The following LRRC69 variants were observed in gnomAD, a reference collection of about 807,000 sequenced individuals.
LRRC69 encodes leucine rich repeat containing 69.
LRRC69 carries 42 observed loss-of-function variants against 37.8 expected under a neutral mutation model. That is an observed-to-expected ratio of 1.11 (90% CI 0.87 to 1.44). The LOEUF (loss-of-function observed/expected upper bound fraction) is 1.44. LRRC69 is among the 40% of genes most tolerant of loss of function. The pLI is 0.00. For synonymous variants in LRRC69, 141 were observed against 143.1 expected (o/e 0.99, Z 0.11); for missense variants, 357 against 401.9 (o/e 0.89, Z 0.96).
chr8:91,122,861 A>G (rs1813654072), intron 1 of LRRC69, among the ~76,000 whole-genome samples: 1 of 152,022 alleles, frequency 6.6e-6, no homozygotes, highest in African/African-American at 2.4e-5. Context: ...CAATCCTCTG[A>G]ATGTGTTAGG....
rs1356658862 is a variant in LRRC69, at chr8:91,197,548, C to T, written c.754-3065C>T. On this transcript the variant is annotated intron_variant, in intron 6 of 7. Coordinates refer to ENST00000448384, the Ensembl canonical transcript of LRRC69. ...AGGTGCGGGATATTATCTCGTGGTGCGCCGTTTTTTAAGCCCGTCGGAAAA... is the reference window on the plus strand; with the variant it reads ...AGGTGCGGGATATTATCTCGTGGTGTGCCGTTTTTTAAGCCCGTCGGAAAA... Among the ~76,000 whole-genome samples the T allele has an allele frequency of 9.2e-5, 14 of 152,074 alleles. No individual in the cohort carries two copies. In the South Asian group the frequency reaches 2.1e-3, roughly 23 times the overall value.
chr8:91,174,058 C>T (rs544471361), intron 5 of LRRC69, among the ~76,000 whole-genome samples: 4 of 19,242 alleles, frequency 2.1e-4, no homozygotes, highest in Admixed American at 5.1e-4. Context: ...TATTTTTCTA[C>T]AATGCCTTGA....
chr8:91,116,184 G>A (rs1283806039), intron 1 of LRRC69, among the ~76,000 whole-genome samples: 4 of 151,760 alleles, frequency 2.6e-5, no homozygotes, highest in Non-Finnish European at 5.9e-5. Context: ...ACCAGGTATG[G>A]CTAACATTTT....
chr8:91,165,767 T>G (rs1301216245), intron 5 of LRRC69, among the ~76,000 whole-genome samples: 12 of 151,792 alleles, frequency 7.9e-5, no homozygotes, highest in Non-Finnish European at 1.5e-5. Context: ...TCAGACAGAG[T>G]CTGGAATCAG....
chr8:91,144,141 G>A (rs1434473431), intron 5 of LRRC69, among the ~76,000 whole-genome samples: 1 of 151,898 alleles, frequency 6.6e-6, no homozygotes, highest in Non-Finnish European at 1.5e-5. Flanking sequence ...TCATTTTAAG[G>A]TTTGGTCTGA....
At chr8:91,108,644 C>T (rs746634657) in intron 1 of LRRC69, among the ~76,000 whole-genome samples, 13 of 152,144 alleles carry the variant, frequency 8.5e-5, no homozygotes, top group Middle Eastern at 3.4e-3. Flanking sequence ...CCGTGGCCCG[C>T]GGGCCACATG....
At chr8:91,124,760 G>C in intron 2 of LRRC69, 141 bp downstream of exon 2, 3 of 654,856 alleles carry the variant, frequency 4.6e-6, no homozygotes, top group Non-Finnish European at 7.4e-6. Context: ...TTGAAATATA[G>C]GAGGAGACAA....
At chr8:91,161,354 T>C (rs1418828863) in intron 5 of LRRC69, among the ~76,000 whole-genome samples, 1 of 151,362 alleles carries the variant, frequency 6.6e-6, no homozygotes, top group Non-Finnish European at 1.5e-5. Context: ...TCGGAATGGT[T>C]TGAGAAAAGT....
intron 1 of LRRC69, among the ~76,000 whole-genome samples, chr8:91,107,275 C>T (rs1265252068): frequency 6.6e-6 from 1 of 151,856 alleles, no homozygotes; most frequent in East Asian, 1.9e-4. Context: ...GCTGGGATTA[C>T]AGGCACCTGC....
At chr8:91,170,975 T>A (rs1326683375) in intron 5 of LRRC69, among the ~76,000 whole-genome samples, 2 of 139,158 alleles carry the variant, frequency 1.4e-5, no homozygotes, top group African/African-American at 5.3e-5. Context: ...ACCTACAAAA[T>A]GGGAGAAAAT....
chr8:91,129,586 T>G (rs527789674), intron 3 of LRRC69, among the ~76,000 whole-genome samples: 1 of 152,044 alleles, frequency 6.6e-6, no homozygotes, highest in Non-Finnish European at 1.5e-5. Flanking sequence ...TAAAAATGAT[T>G]AATGAAGAAA....
intron 5 of LRRC69, among the ~76,000 whole-genome samples, chr8:91,183,554 G>T (rs4637780): frequency 6.6e-6 from 1 of 151,816 alleles, no homozygotes; most frequent in African/African-American, 2.4e-5. Flanking sequence ...ATGCAGTTGC[G>T]TACTGAGTGT....
At chr8:91,159,971 AAAC>A (rs368603345) in intron 5 of LRRC69, among the ~76,000 whole-genome samples, 2,883 of 151,170 alleles carry the variant, frequency 0.019, 98 homozygotes, top group African/African-American at 0.065. Context: ...AAAAAAAACA[AAAC>A]AACAACAACA....
chr8:91,157,577 T>C (rs1165913717), intron 5 of LRRC69: 2 of 1,536,370 alleles, frequency 1.3e-6, no homozygotes, highest in Admixed American at 1.7e-5. Context: ...AATATCAGAA[T>C]GTTTACAACT....
chr8:91,167,618 C>A (rs375282557), intron 5 of LRRC69, among the ~76,000 whole-genome samples: 3 of 152,070 alleles, frequency 2.0e-5, no homozygotes, highest in South Asian at 2.1e-4. Flanking sequence ...CAATCAGCTC[C>A]CTGGGGCGCC....
intron 5 of LRRC69, among the ~76,000 whole-genome samples, chr8:91,148,963 T>A (rs374002524): frequency 2.6e-5 from 4 of 151,678 alleles, no homozygotes; most frequent in East Asian, 3.9e-4. Context: ...GTTTGAGTTC[T>A]TTGTAGATTC....
At chr8:91,170,042 A>T (rs1809100092) in intron 5 of LRRC69, among the ~76,000 whole-genome samples, 1 of 113,218 alleles carries the variant, frequency 8.8e-6, no homozygotes, top group Non-Finnish European at 1.9e-5. Flanking sequence ...TATACCCAGT[A>T]ATGGGATGGC....
chr8:91,137,549 G>A (rs1808443185), intron 5 of LRRC69, among the ~76,000 whole-genome samples: 2 of 152,096 alleles, frequency 1.3e-5, no homozygotes, highest in African/African-American at 4.8e-5. Flanking sequence ...TTCGTAGTCT[G>A]TTAATTGACC....
chr8:91,210,744 C>CATA (rs770122562), intron 7 of LRRC69, among the ~76,000 whole-genome samples: 44 of 151,972 alleles, frequency 2.9e-4, no homozygotes, highest in Non-Finnish European at 6.2e-4. Context: ...AAAACAGCAA[C>CATA]ATAATGGCAT....
Sources: gnomAD v4.1 joint callset for allele counts (sites outside exome capture counted in the v4.1 genomes callset) on GRCh38, gnomAD v4.1.1 for gene constraint, MANE v1.5 for transcripts, NCBI Gene and HGNC (gene_info 2026-07-23, HGNC 2026-07-21) for gene names.